Variants in DNAI3 observed in about 807,000 individuals in gnomAD.
The protein encoded by DNAI3 is WD repeat domain 63.
Under a neutral mutation model 115.5 loss-of-function variants are expected in DNAI3, and 83 were observed. The observed-to-expected ratio is 0.72, with a 90% CI of 0.60 to 0.86. DNAI3 has a LOEUF of 0.86. DNAI3 is among the 40% of genes least tolerant of loss of function. DNAI3 has a pLI of 0.00. For synonymous variants in DNAI3, 320 were observed against 347.0 expected (o/e 0.92, Z 0.86); for missense variants, 1,004 against 1,075.8 (o/e 0.93, Z 0.93).
chr1:85,123,679 T>C (rs536671765), intron 18 of DNAI3, among the ~76,000 whole-genome samples: 32 of 152,216 alleles, frequency 2.1e-4, no homozygotes, highest in Non-Finnish European at 4.0e-4. Context: ...TCACAACACT[T>C]TTCACAATTT....
chr1:85,092,794 T>TACACACACACACAC lies in DNAI3; in HGVS notation c.858-635_858-622dup, dbSNP rs58308443. 1.6e-3 allele frequency among the ~76,000 whole-genome samples: 239 copies of TACACACACACACAC among 145,360 alleles called. 1 individual carries two copies. Among genetic ancestry groups the TACACACACACACAC allele is most frequent in the Admixed American group, 4.0e-3 (58 of 14,570 alleles). Reference sequence around the variant, plus strand: ...TCCCAGGCATTGTGACAACTAAAACTACACACACACACACACACACACACA... The same window carrying TACACACACACACAC: ...TCCCAGGCATTGTGACAACTAAAACTACACACACACACACACACACACACACACACACACACACA... On this transcript the variant is annotated intron_variant, in intron 8 of 22. Transcript: ENST00000294664.
chr1:85,070,543 G>A (rs925702430), intron 1 of DNAI3, among the ~76,000 whole-genome samples: 10 of 151,830 alleles, frequency 6.6e-5, no homozygotes, highest in South Asian at 2.1e-4. Context: ...AATAAAATGT[G>A]GTTATCTAGT....
chr1:85,095,268 T>C (rs562808600), intron 10 of DNAI3, among the ~76,000 whole-genome samples: 1 of 152,302 alleles, frequency 6.6e-6, no homozygotes, highest in East Asian at 1.9e-4. Flanking sequence ...ATGTTTTAAA[T>C]ATAATAATAT....
chr1:85,130,173 T>C lies in DNAI3; in HGVS notation c.2532+61T>C. 3 of 1,604,252 alleles carry C rather than the reference T, an allele frequency of 1.9e-6. No homozygotes were observed. In the East Asian group the frequency reaches 6.7e-5, roughly 36 times the overall value. On this transcript the variant is annotated intron_variant, in intron 22 of 22. Coordinates refer to ENST00000294664, the MANE Select transcript of DNAI3 (RefSeq NM_145172.5). ...CGAACACCAGTGGAAATATATTTGT[T>C]TGGCTTAATCCACAGTTTCCATAGA...
chr1:85,084,881 C>CA (rs60101364), intron 6 of DNAI3, among the ~76,000 whole-genome samples, 186 bp downstream of exon 6: 8,008 of 152,034 alleles, frequency 0.053, 348 homozygotes, highest in African/African-American at 0.13. Context: ...ATTTTGTCTC[C>CA]AAAAAATGGT....
intron 16 of DNAI3, among the ~76,000 whole-genome samples, chr1:85,115,613 C>T (rs1655792507): frequency 6.6e-6 from 1 of 152,158 alleles, no homozygotes; most frequent in African/African-American, 2.4e-5. Context: ...TCCCTAGCCT[C>T]ACCTTCTTTG....
intron 16 of DNAI3, 137 bp from the exon 17 acceptor site, chr1:85,117,591 GC>G: frequency 8.6e-7 from 1 of 1,167,952 alleles, no homozygotes; most frequent in Non-Finnish European, 1.2e-6. Flanking sequence ...ATCTAAAAAT[GC>G]TTGGACTTAT....
chr1:85,097,571 T>C lies in DNAI3; in HGVS notation c.1266T>C (p.Ile422=). 6.2e-7 allele frequency: 1 copy of C among 1,600,808 alleles called. No homozygotes were observed. Among genetic ancestry groups the C allele is most frequent in the Non-Finnish European group, 8.5e-7 (1 of 1,176,092 alleles). ...GATAACATTTATTTCCATTTTAGAT[T>C]GTCATGTGGGATATCACCGCACATG... ...IIAGGCINGQ[I]VMWDITAHAD... The change falls in exon 12 of 23, where the codon ATT becomes ATC. Residue 422 remains isoleucine, a splice_region_variant and synonymous_variant. Coordinates refer to ENST00000294664, the MANE Select transcript of DNAI3 (RefSeq NM_145172.5).
intron 1 of DNAI3, among the ~76,000 whole-genome samples, chr1:85,064,125 G>C (rs1654020246): frequency 6.6e-6 from 1 of 152,036 alleles, no homozygotes; most frequent in Non-Finnish European, 1.5e-5. Context: ...CATATAATCT[G>C]TCTTCTTTGT....
At chr1:85,116,203 C>T (rs555203761) in intron 16 of DNAI3, among the ~76,000 whole-genome samples, 9 of 152,314 alleles carry the variant, frequency 5.9e-5, no homozygotes, top group African/African-American at 1.9e-4. Flanking sequence ...CTCCATCTGA[C>T]TCTTGCTGTC....
chr1:85,108,540 A>C, intron 15 of DNAI3, among the ~76,000 whole-genome samples: 1 of 152,144 alleles, frequency 6.6e-6, no homozygotes, highest in East Asian at 1.9e-4. Flanking sequence ...GAGCAGAAAA[A>C]CATTTCAGTC....
intron 3 of DNAI3, among the ~76,000 whole-genome samples, chr1:85,079,043 C>T (rs971930735): frequency 6.6e-6 from 1 of 152,198 alleles, no homozygotes; most frequent in Non-Finnish European, 1.5e-5. Flanking sequence ...CTTCTGAATG[C>T]CTCTGTTTTA....
chr1:85,094,597 A>T, intron 10 of DNAI3, 42 bp downstream of exon 10: 2 of 1,605,782 alleles, frequency 1.2e-6, no homozygotes, highest in South Asian at 2.2e-5. Context: ...ATTTTCAAAT[A>T]CTACTTTCAT....
At chr1:85,104,491 C>T in intron 13 of DNAI3, 33 bp from the exon 14 acceptor site, 1 of 1,567,920 alleles carries the variant, frequency 6.4e-7, no homozygotes. Context: ...ATGAGAAAAA[C>T]AATTTTATTT....
intron 1 of DNAI3, among the ~76,000 whole-genome samples, chr1:85,063,748 T>A (rs367989909): frequency 2.0e-5 from 3 of 152,156 alleles, no homozygotes; most frequent in African/African-American, 7.2e-5. Context: ...AGCTCTGAGG[T>A]TGGCCTCTTG....
intron 17 of DNAI3, 121 bp from the exon 18 acceptor site, chr1:85,121,630 G>C: frequency 1.2e-6 from 1 of 862,548 alleles, no homozygotes; most frequent in Non-Finnish European, 1.8e-6. Flanking sequence ...CAAATTACTT[G>C]ATTAAATTGA....
intron 16 of DNAI3, among the ~76,000 whole-genome samples, chr1:85,114,152 A>C (rs958936207): frequency 6.6e-6 from 1 of 151,518 alleles, no homozygotes; most frequent in Admixed American, 6.6e-5. Flanking sequence ...AGCTGGGACC[A>C]CAGGCATGTA....
chr1:85,095,886 A>C, intron 10 of DNAI3, 45 bp from the exon 11 acceptor site: 19 of 1,514,050 alleles, frequency 1.3e-5, no homozygotes, highest in Non-Finnish European at 1.5e-5. Context: ...CCATGATCTT[A>C]ATCTCTTTTC....
chr1:85,075,527 C>T (rs1356803529), intron 3 of DNAI3, among the ~76,000 whole-genome samples: 2 of 152,152 alleles, frequency 1.3e-5, no homozygotes, highest in Non-Finnish European at 2.9e-5. Flanking sequence ...CCTCAGGTAG[C>T]ATCAGGACCC....
Sources: gnomAD v4.1 joint callset for allele counts (sites outside exome capture counted in the v4.1 genomes callset) on GRCh38, gnomAD v4.1.1 for gene constraint, MANE v1.5 for transcripts, NCBI Gene and HGNC (gene_info 2026-07-23, HGNC 2026-07-21) for gene names.